Variants in SULT1B1 observed in about 807,000 individuals in gnomAD.
SULT1B1 encodes the protein sulfotransferase 1B1.
In SULT1B1, 28 loss-of-function variants were observed where a neutral mutation model predicts 34.6. That is an observed-to-expected ratio of 0.81 (90% confidence interval 0.60 to 1.11). The LOEUF (loss-of-function observed/expected upper bound fraction) is 1.11, where lower values mean the gene tolerates loss of function less well. SULT1B1 is among the 50% of genes least tolerant of loss of function. The pLI is 0.00. For missense variants in SULT1B1, 374 were observed against 352.2 expected, an observed-to-expected ratio of 1.06 and a Z score of -0.50; for synonymous variants, 147 against 110.2, an observed-to-expected ratio of 1.33 and a Z score of -2.09.
At chr4:69,739,054 A>G (rs1718433750) in intron 4 of SULT1B1, among the ~76,000 whole-genome samples, 1 of 152,210 alleles carries the variant, frequency 6.6e-6, no homozygotes, top group African/African-American at 2.4e-5. Context: ...CTCCACCCCT[A>G]TGACTTTGCA....
chr4:69,758,440 A>G (rs1719273001), intron 1 of SULT1B1: 1 of 985,232 alleles, frequency 1.0e-6, no homozygotes, highest in African/African-American at 1.7e-5. Context: ...GCTCTTTCTG[A>G]AACATTTTAT....
chr4:69,734,467 C>T (rs1427374636), intron 4 of SULT1B1, among the ~76,000 whole-genome samples: 1 of 151,978 alleles, frequency 6.6e-6, no homozygotes, highest in Non-Finnish European at 1.5e-5. Context: ...AGATTAGAAC[C>T]ATCGAGCTAT....
intron 7 of SULT1B1, among the ~76,000 whole-genome samples, chr4:69,728,992 G>A (rs761117396): frequency 2.0e-5 from 3 of 151,956 alleles, no homozygotes; most frequent in Non-Finnish European, 2.9e-5. Flanking sequence ...TTCTATTGAG[G>A]TTGGAGAAGC....
intron 7 of SULT1B1, among the ~76,000 whole-genome samples, chr4:69,727,953 A>T (rs1717900531): frequency 6.6e-6 from 1 of 152,048 alleles, no homozygotes; most frequent in Non-Finnish European, 1.5e-5. Context: ...ATAGTAATAC[A>T]TCATATTAAA....
chr4:69,739,318 G>A (rs540969984), intron 4 of SULT1B1, among the ~76,000 whole-genome samples: 1 of 152,318 alleles, frequency 6.6e-6, no homozygotes, highest in Non-Finnish European at 1.5e-5. Flanking sequence ...TCTGCCTGGA[G>A]ATCCAGGTGT....
At position 69,725,008 on chromosome 4, in the gene SULT1B1, A is replaced by G. The variant is rs1717784612; in HGVS notation, c.*2080T>C. On this transcript the variant is annotated 3_prime_UTR_variant, in exon 8 of 8. Coordinates refer to ENST00000310613, the MANE Select transcript of SULT1B1 (RefSeq NM_014465.4). ...ACCAAAAGCAATGGCAACAAAAGCC[A>G]AAATTGACAAATGGGATCTAATTAA... The G allele has an allele frequency of 6.6e-6, 1 of 152,162 alleles. No individual in the cohort carries two copies. Among genetic ancestry groups the G allele is most frequent in the Non-Finnish European group, 1.5e-5 (1 of 68,032 alleles). 9.4% of individuals were successfully genotyped at this position (152,162 alleles called of 1,614,324 possible).
At chr4:69,728,455 T>C (rs1282205044) in intron 7 of SULT1B1, among the ~76,000 whole-genome samples, 1 of 152,070 alleles carries the variant, frequency 6.6e-6, no homozygotes, top group Non-Finnish European at 1.5e-5. Context: ...ACTTAACTTC[T>C]TTCAGCATTC....
chr4:69,735,345 C>T (rs1391821213), intron 4 of SULT1B1, among the ~76,000 whole-genome samples: 1 of 152,200 alleles, frequency 6.6e-6, no homozygotes, highest in Non-Finnish European at 1.5e-5. Flanking sequence ...AAAACCTGCT[C>T]TCCCTGGTCA....
intron 4 of SULT1B1, among the ~76,000 whole-genome samples, chr4:69,749,187 G>T (rs918603346): frequency 6.6e-6 from 1 of 151,956 alleles, no homozygotes; most frequent in Non-Finnish European, 1.5e-5. Context: ...TCCTGCAGCC[G>T]TTAAAATAAT....
intron 4 of SULT1B1, among the ~76,000 whole-genome samples, chr4:69,737,257 TTC>T (rs2110021209): frequency 6.6e-6 from 1 of 152,232 alleles, no homozygotes; most frequent in African/African-American, 2.4e-5. Flanking sequence ...AGTAAAACTG[TTC>T]TCACTCAAGA....
intron 4 of SULT1B1, 95 bp downstream of exon 4, chr4:69,749,626 G>A: frequency 1.1e-6 from 1 of 875,850 alleles, no homozygotes; most frequent in South Asian, 1.6e-5. Context: ...CAAGTATATG[G>A]TTAAAGAAAC....
At chr4:69,744,303 G>A (rs1209529069) in intron 4 of SULT1B1, among the ~76,000 whole-genome samples, 1 of 152,194 alleles carries the variant, frequency 6.6e-6, no homozygotes, top group Non-Finnish European at 1.5e-5. Flanking sequence ...AGGCGCAGCG[G>A]CCCTGGCCAA....
intron 1 of SULT1B1, among the ~76,000 whole-genome samples, 176 bp from the exon 2 acceptor site, chr4:69,755,437 C>T (rs750023915): frequency 6.6e-6 from 1 of 152,110 alleles, no homozygotes; most frequent in Non-Finnish European, 1.5e-5. Flanking sequence ...CAGTAACTGG[C>T]TCTGTGACAA....
chr4:69,747,258 G>A (rs1190363463), intron 4 of SULT1B1, among the ~76,000 whole-genome samples: 1 of 152,224 alleles, frequency 6.6e-6, no homozygotes, highest in Non-Finnish European at 1.5e-5. Flanking sequence ...GGTAGCAGGG[G>A]TAGGCTGCAG....
chr4:69,744,196 C>T (rs74879800), intron 4 of SULT1B1, among the ~76,000 whole-genome samples: 6,697 of 152,088 alleles, frequency 0.044, 208 homozygotes, highest in East Asian at 0.071. Context: ...GGCCTCATTG[C>T]GGTAGCAGGG....
chr4:69,756,944 T>C (rs919585695), intron 1 of SULT1B1, among the ~76,000 whole-genome samples: 3 of 148,044 alleles, frequency 2.0e-5, no homozygotes, highest in Non-Finnish European at 3.0e-5. Context: ...TAATCTCATC[T>C]GAAAACACCC....
chr4:69,758,733 G>A (rs1236924907), intron 1 of SULT1B1, among the ~76,000 whole-genome samples: 2 of 152,158 alleles, frequency 1.3e-5, no homozygotes, highest in African/African-American at 2.4e-5. Context: ...CATGTAGCAA[G>A]TAGCTTATAT....
At position 69,726,031 on chromosome 4, in the gene SULT1B1, TAC is replaced by T. The variant is rs1238227124; in HGVS notation, c.*1055_*1056del. On this transcript the variant is annotated 3_prime_UTR_variant, in exon 8 of 8. Coordinates refer to ENST00000310613, the MANE Select transcript of SULT1B1 (RefSeq NM_014465.4). Reference sequence around the variant, plus strand: ...GAACTTAAAGTATAATAATAAAATGTACATATATATATATATATATATATATA... The same window carrying T: ...GAACTTAAAGTATAATAATAAAATGTATATATATATATATATATATATATA... 64 of 62,620 alleles carry T rather than the reference TAC, an allele frequency of 1.0e-3. No individual in the cohort carries two copies. Among genetic ancestry groups the T allele is most frequent in the South Asian group, 2.3e-3 (4 of 1,746 alleles). 3.9% of individuals were successfully genotyped at this position (62,620 alleles called of 1,614,324 possible).
intron 3 of SULT1B1, among the ~76,000 whole-genome samples, chr4:69,750,051 A>C (rs1362665526): frequency 6.6e-6 from 1 of 152,186 alleles, no homozygotes; most frequent in Non-Finnish European, 1.5e-5. Context: ...TCACTTAAGC[A>C]TTGTGAGACA....
Sources: allele counts gnomAD v4.1 joint callset (sites outside exome capture counted in the v4.1 genomes callset), GRCh38; gene constraint gnomAD v4.1.1; transcripts MANE v1.5; gene names NCBI Gene and HGNC (gene_info 2026-07-23, HGNC 2026-07-21).